The following FGF3 variants were observed in gnomAD, a reference collection of about 807,000 sequenced individuals.
FGF3 encodes fibroblast growth factor 3, also known as FGF-3.
Under a neutral mutation model 9.8 loss-of-function variants are expected in FGF3, and 7 were observed. The observed-to-expected ratio is 0.72, with a 90% CI of 0.41 to 1.35. The LOEUF (loss-of-function observed/expected upper bound fraction) is 1.35. Among genes scored for constraint, FGF3 ranks in the 40% most tolerant of loss-of-function variants. The pLI, the probability that FGF3 is intolerant of heterozygous loss-of-function variation, is 0.01. For missense variants in FGF3, 390 were observed against 345.6 expected (o/e 1.13, Z -1.02); for synonymous variants, 173 against 157.2 (o/e 1.10, Z -0.75).
chr11:69,813,768 G>A lies in FGF3; in HGVS notation c.324+2552C>T, dbSNP rs797034312. The stretch of plus-strand genomic sequence containing the variant: ...GCTGGATGGATGGATGGGTGGATGG[G>A]TGGATGGATGGATGGATGGATGGAT... On this transcript the variant is annotated intron_variant, in intron 2 of 2. Coordinates refer to ENST00000334134, the MANE Select transcript of FGF3 (RefSeq NM_005247.4). Among the ~76,000 whole-genome samples the A allele has an allele frequency of 1.5e-3, 105 of 68,076 alleles. 2 individuals carry two copies. Among genetic ancestry groups the A allele is most frequent in the East Asian group, 8.5e-3 (15 of 1,760 alleles). The allele number at this position is 68,076 out of a possible 152,430, so 44.7% of individuals were successfully genotyped here.
Position 69,810,433 on chromosome 11 carries a change from G to T in FGF3, c.592C>A (p.Leu198Met). Residue 198 changes from leucine to methionine, a missense_variant, in exon 3 of 3, where the codon CTG becomes ATG. Physicochemically the swap from Leu to Met is conservative, Grantham distance 15 (BLOSUM62 2). Transcript: ENST00000334134. ...HEMVRQLQSG[L>M]PRPPGKGVQP... is the part of the protein sequence containing the mutation. The stretch of plus-strand genomic sequence containing the variant: ...ACCCCCTTACCAGGGGGTCTGGGCA[G>T]CCCACTCTGTAGCTGCCGCACCATC... 1 of 1,589,384 alleles carries T rather than the reference G, an allele frequency of 6.3e-7. No individual in the cohort carries two copies. Among genetic ancestry groups the T allele is most frequent in the Admixed American group, 1.8e-5 (1 of 56,440 alleles).
At chr11:69,818,196 C>T (rs1041469091) in intron 1 of FGF3, among the ~76,000 whole-genome samples, 1 of 152,132 alleles carries the variant, frequency 6.6e-6, no homozygotes, top group Non-Finnish European at 1.5e-5. Flanking sequence ...CAGCCGCGAG[C>T]GGGGAGGGCG....
intron 1 of FGF3, 77 bp downstream of exon 1, chr11:69,818,637 C>G (rs540593549): frequency 4.7e-5 from 54 of 1,151,350 alleles, no homozygotes; most frequent in Middle Eastern, 6.1e-4. Flanking sequence ...CCCGCGGGGC[C>G]CCGCAGCGCG....
chr11:69,819,047 G>A lies in FGF3; in HGVS notation c.-114C>T. ...CTCGGAGCGGGATCCCGCGCCTGGA[G>A]ATGCTGACTCCGGCTTCGCGGGAAA... On this transcript the variant is annotated 5_prime_UTR_variant, in exon 1 of 3. Transcript: ENST00000334134. 5.0e-6 allele frequency: 3 copies of A among 604,002 alleles called. No individual in the cohort carries two copies. Among genetic ancestry groups the A allele is most frequent in the Non-Finnish European group, 7.8e-6 (3 of 382,736 alleles). 37.4% of individuals were successfully genotyped at this position (604,002 alleles called of 1,614,324 possible).
At position 69,815,565 on chromosome 11, in the gene FGF3, G is replaced by C. The variant is rs75043912; in HGVS notation, c.324+755C>G. Reference sequence around the variant, plus strand: ...ACTGCAGGGAGATTGTCCTTGGGCCGCGTCAGCCAGGCTACTCATGGATGG... The same window carrying C: ...ACTGCAGGGAGATTGTCCTTGGGCCCCGTCAGCCAGGCTACTCATGGATGG... On this transcript the variant is annotated intron_variant, in intron 2 of 2. Coordinates refer to ENST00000334134, the MANE Select transcript of FGF3 (RefSeq NM_005247.4). Among the ~76,000 whole-genome samples, 11 of 152,242 alleles carry C rather than the reference G, an allele frequency of 7.2e-5. No homozygotes were observed. The East Asian group carries it at 2.1e-3, about 29-fold the overall frequency.
intron 2 of FGF3, among the ~76,000 whole-genome samples, chr11:69,815,253 G>T (rs145879695): frequency 0.12 from 17,934 of 149,992 alleles, 1,092 homozygotes; most frequent in East Asian, 0.19. Context: ...TGGGTGGATG[G>T]ATGGATGGAT....
chr11:69,813,160 G>T (rs1435057768), intron 2 of FGF3, among the ~76,000 whole-genome samples: 1 of 152,230 alleles, frequency 6.6e-6, no homozygotes, highest in Admixed American at 6.5e-5. Context: ...AAGCTGCTTT[G>T]TTGAGGAGGT....
chr11:69,816,481 C>T, intron 1 of FGF3, 58 bp from the exon 2 acceptor site: 1 of 1,355,360 alleles, frequency 7.4e-7, no homozygotes, highest in East Asian at 2.3e-5. Flanking sequence ...GCGGCTGAGG[C>T]CCAGCTGGCC....
chr11:69,815,911 C>T (rs1044756299), intron 2 of FGF3, among the ~76,000 whole-genome samples: 4 of 152,116 alleles, frequency 2.6e-5, no homozygotes, highest in Non-Finnish European at 4.4e-5. Context: ...GGCCAGCGTC[C>T]TCCTCTCCAT....
Position 69,812,387 on chromosome 11 carries a change from G to A in FGF3, c.325-1687C>T, listed in dbSNP as rs555910753. On this transcript the variant is annotated intron_variant, in intron 2 of 2. Transcript: ENST00000334134. ...AAGCCCAGAGCAGGGAAGGGTGGAA[G>A]GCTTGACCTGGTGGTAGGGGCTGCC... Among the ~76,000 whole-genome samples the A allele has an allele frequency of 1.1e-4, 17 of 152,270 alleles. No individual in the cohort carries two copies. The South Asian group carries it at 3.5e-3, about 32-fold the overall frequency.
chr11:69,816,149 C>T (rs915040053), intron 2 of FGF3, among the ~76,000 whole-genome samples, 171 bp downstream of exon 2: 2 of 152,168 alleles, frequency 1.3e-5, no homozygotes, highest in Non-Finnish European at 2.9e-5. Flanking sequence ...CTCTAACAGA[C>T]ACAGCCAAAG....
intron 2 of FGF3, among the ~76,000 whole-genome samples, chr11:69,813,148 C>G (rs782781104): frequency 6.6e-6 from 1 of 152,164 alleles, no homozygotes; most frequent in Non-Finnish European, 1.5e-5. Flanking sequence ...AAGCCGACTC[C>G]GAAGCTGCTT....
At chr11:69,817,923 C>T (rs972039613) in intron 1 of FGF3, among the ~76,000 whole-genome samples, 2 of 152,170 alleles carry the variant, frequency 1.3e-5, no homozygotes, top group African/African-American at 4.8e-5. Context: ...GAGCGCAGCC[C>T]GGGCCGCGGG....
chr11:69,811,502 A>C (rs1160302109), intron 2 of FGF3, among the ~76,000 whole-genome samples: 1 of 152,078 alleles, frequency 6.6e-6, no homozygotes, highest in African/African-American at 2.4e-5. Flanking sequence ...GAAAAGAAAA[A>C]AGAAGAAAGA....
chr11:69,811,583 C>G (rs1011726227), intron 2 of FGF3, among the ~76,000 whole-genome samples: 1 of 152,190 alleles, frequency 6.6e-6, no homozygotes, highest in Admixed American at 6.5e-5. Context: ...AAACGCTGCG[C>G]TCAGGGGCCC....
chr11:69,813,800 A>ATGGATGGCTGGG (rs1565115008), intron 2 of FGF3, among the ~76,000 whole-genome samples: 1 of 118,262 alleles, frequency 8.5e-6, no homozygotes. Flanking sequence ...GGATGGATGG[A>ATGGATGGCTGGG]TGGATGGGTG....
At chr11:69,813,768 G>GTGGA (rs138438115) in intron 2 of FGF3, among the ~76,000 whole-genome samples, 21,371 of 66,834 alleles carry the variant, frequency 0.32, 4,148 homozygotes, top group Admixed American at 0.41. Context: ...GGGTGGATGG[G>GTGGA]TGGATGGATG....
At chr11:69,816,187 G>A in intron 2 of FGF3, 133 bp downstream of exon 2, 1 of 770,134 alleles carries the variant, frequency 1.3e-6, no homozygotes, top group Admixed American at 1.8e-5. Context: ...CCTGGGCCAG[G>A]GTCTGGTCCT....
chr11:69,816,282 C>T lies in FGF3; in HGVS notation c.324+38G>A. On this transcript the variant is annotated intron_variant, in intron 2 of 2. Coordinates refer to ENST00000334134, the MANE Select transcript of FGF3 (RefSeq NM_005247.4). ...GCTTGATGTGCAGGCCAGACCGCTA[C>T]TCCGTCAGCGCCCACCCACGTGACA... is the stretch of plus-strand genomic sequence containing the variant. 4 of 1,487,676 alleles carry T rather than the reference C, an allele frequency of 2.7e-6. No individual in the cohort carries two copies. The South Asian group carries it at 4.5e-5, about 17-fold the overall frequency. The allele number at this position is 1,487,676 out of a possible 1,614,324, so 92.2% of individuals were successfully genotyped here. A position where few individuals can be genotyped will look rare whatever the true frequency, so the allele number is the denominator to read the frequency against.
Sources: allele counts gnomAD v4.1 joint callset (sites outside exome capture counted in the v4.1 genomes callset), GRCh38; gene constraint gnomAD v4.1.1; transcripts MANE v1.5; gene names NCBI Gene and HGNC (gene_info 2026-07-23, HGNC 2026-07-21).